The following LRRC4C variants were observed in gnomAD, a reference collection of about 807,000 sequenced individuals.
The protein encoded by LRRC4C is leucine rich repeat containing 4C, also known as leucine-rich repeat-containing protein 4C.
In LRRC4C, 5 loss-of-function variants were observed where a neutral mutation model predicts 33.6. That is an observed-to-expected ratio of 0.15 (90% CI 0.08 to 0.31). The LOEUF (loss-of-function observed/expected upper bound fraction) is 0.31, where lower values mean the gene tolerates loss of function less well. Ranked by LOEUF, LRRC4C falls within the 10% of genes least tolerant of loss-of-function variation. The pLI is 1.00. For synonymous variants in LRRC4C, 329 were observed against 302.0 expected (o/e 1.09, Z -0.93); for missense variants, 560 against 796.7 (o/e 0.70, Z 3.58).
chr11:41,040,867 G>T (rs918468839), intron 1 of LRRC4C, among the ~76,000 whole-genome samples: 2 of 152,138 alleles, frequency 1.3e-5, no homozygotes, highest in Non-Finnish European at 2.9e-5. Context: ...AGAAGCATGA[G>T]TGTCTTCCTA....
At chr11:40,228,269 CTG>C (rs1864955395) in intron 5 of LRRC4C, among the ~76,000 whole-genome samples, 2 of 152,288 alleles carry the variant, frequency 1.3e-5, no homozygotes, top group South Asian at 4.1e-4. Context: ...ATGAGAAGTA[CTG>C]CATTCTTCCA....
chr11:40,158,926 G>A (rs1382315762), intron 5 of LRRC4C, among the ~76,000 whole-genome samples: 1 of 152,152 alleles, frequency 6.6e-6, no homozygotes, highest in Non-Finnish European at 1.5e-5. Context: ...CTTCCTGGTT[G>A]ATTAAAATTC....
At chr11:40,635,628 A>ATT (rs71060975) in intron 3 of LRRC4C, among the ~76,000 whole-genome samples, 1,732 of 92,208 alleles carry the variant, frequency 0.019, 147 homozygotes, top group South Asian at 0.029. Context: ...AAAGAACCAA[A>ATT]TTTTTTTTTT....
chr11:41,349,666 C>T (rs1951911203), intron 1 of LRRC4C, among the ~76,000 whole-genome samples: 1 of 152,046 alleles, frequency 6.6e-6, no homozygotes. Context: ...AAAGCCCCAA[C>T]TAAAGGACAG....
chr11:40,755,895 C>T (rs553141515), intron 2 of LRRC4C, among the ~76,000 whole-genome samples: 4 of 152,060 alleles, frequency 2.6e-5, no homozygotes, highest in African/African-American at 9.7e-5. Flanking sequence ...CTGTTTTAGT[C>T]TGAACCCCCA....
chr11:40,278,424 G>A (rs748820222), intron 4 of LRRC4C, among the ~76,000 whole-genome samples: 5 of 152,118 alleles, frequency 3.3e-5, no homozygotes, highest in South Asian at 2.1e-4. Context: ...TATTCAAGGC[G>A]TTTTAAAGAT....
chr11:41,017,957 T>C (rs1855708810), intron 1 of LRRC4C, among the ~76,000 whole-genome samples: 1 of 151,988 alleles, frequency 6.6e-6, no homozygotes. Flanking sequence ...GGATTTTTAA[T>C]GCGTCCTTAG....
intron 2 of LRRC4C, among the ~76,000 whole-genome samples, chr11:40,665,959 T>C (rs541863994): frequency 2.2e-4 from 33 of 152,154 alleles, no homozygotes; most frequent in Non-Finnish European, 4.3e-4. Context: ...TATGTGTATA[T>C]ATATTTGTGT....
chr11:40,459,420 TC>T (rs1402755643), intron 3 of LRRC4C, among the ~76,000 whole-genome samples: 1 of 130,028 alleles, frequency 7.7e-6, no homozygotes, highest in Non-Finnish European at 1.7e-5. Flanking sequence ...CCCATCTCAG[TC>T]AGAGGGGAAA....
At chr11:40,931,167 A>T (rs1409527446) in intron 2 of LRRC4C, among the ~76,000 whole-genome samples, 1 of 152,158 alleles carries the variant, frequency 6.6e-6, no homozygotes, top group Non-Finnish European at 1.5e-5. Flanking sequence ...TCAAACAGCA[A>T]ACAAACAAGA....
chr11:40,357,474 C>A (rs1947724381), intron 3 of LRRC4C, among the ~76,000 whole-genome samples: 1 of 152,198 alleles, frequency 6.6e-6, no homozygotes, highest in African/African-American at 2.4e-5. Context: ...CTTTAATGTG[C>A]ACTTCAGTTC....
At chr11:40,965,798 A>G (rs1225371969) in intron 1 of LRRC4C, among the ~76,000 whole-genome samples, 5 of 151,788 alleles carry the variant, frequency 3.3e-5, no homozygotes, top group Admixed American at 1.3e-4. Context: ...GAAGTCAGGT[A>G]GCGTGATGCC....
At chr11:40,347,740 C>G (rs569836879) in intron 3 of LRRC4C, among the ~76,000 whole-genome samples, 6 of 152,252 alleles carry the variant, frequency 3.9e-5, no homozygotes, top group Admixed American at 2.0e-4. Flanking sequence ...TCCTGAGTAG[C>G]TGGGATTACA....
At chr11:40,780,596 A>G (rs1950174388) in intron 2 of LRRC4C, among the ~76,000 whole-genome samples, 1 of 152,090 alleles carries the variant, frequency 6.6e-6, no homozygotes, top group Non-Finnish European at 1.5e-5. Flanking sequence ...AGGGTGTTTG[A>G]CCTTTTTTAA....
rs1946508975 is a variant in LRRC4C, at chr11:40,712,377, C to A, written c.-406-64099G>T. On this transcript the variant is annotated intron_variant, in intron 2 of 6. Transcript: ENST00000528697. ...CATAGCTAACACATCCCATAGCTAA[C>A]CTATATGTAGGAAGCTTTAAAGAAC... Among the ~76,000 whole-genome samples, 2 of 152,024 alleles carry A rather than the reference C, an allele frequency of 1.3e-5. 1 individual carries two copies. Among genetic ancestry groups the A allele is most frequent in the East Asian group, 3.9e-4 (2 of 5,186 alleles).
intron 2 of LRRC4C, among the ~76,000 whole-genome samples, chr11:40,731,895 G>A (rs1294906852): frequency 6.6e-6 from 1 of 151,884 alleles, no homozygotes; most frequent in South Asian, 2.1e-4. Flanking sequence ...ACAATATTTA[G>A]CAACACTAAA....
intron 1 of LRRC4C, among the ~76,000 whole-genome samples, chr11:40,966,789 C>T (rs982698425): frequency 4.6e-5 from 7 of 151,968 alleles, no homozygotes; most frequent in African/African-American, 1.7e-4. Flanking sequence ...CCTTTCTTTT[C>T]TTTCTTTTTC....
At chr11:40,172,585 C>A (rs558834470) in intron 5 of LRRC4C, among the ~76,000 whole-genome samples, 4 of 151,902 alleles carry the variant, frequency 2.6e-5, no homozygotes, top group Non-Finnish European at 4.4e-5. Flanking sequence ...GTTTCTGTTT[C>A]ATGGCATTTG....
chr11:40,140,338 C>G (rs187863424), intron 6 of LRRC4C, among the ~76,000 whole-genome samples: 2 of 152,170 alleles, frequency 1.3e-5, no homozygotes, highest in African/African-American at 4.8e-5. Flanking sequence ...TATGTGTATG[C>G]GATGGTTTGC....
Sources: allele counts gnomAD v4.1 joint callset (sites outside exome capture counted in the v4.1 genomes callset), GRCh38; gene constraint gnomAD v4.1.1; transcripts MANE v1.5; gene names NCBI Gene and HGNC (gene_info 2026-07-23, HGNC 2026-07-21).